The following WASF2 variants were observed in gnomAD, a reference collection of about 807,000 sequenced individuals.
The protein encoded by WASF2 is WASP family member 2, also known as actin-binding protein WASF2.
WASF2 carries 14 observed loss-of-function variants against 45.0 expected under a neutral mutation model. The ratio of observed to expected loss-of-function variants is 0.31; its 90% CI spans 0.21 to 0.49. The LOEUF (loss-of-function observed/expected upper bound fraction) is 0.49, where lower values mean the gene tolerates loss of function less well. WASF2 is among the 20% of genes least tolerant of loss of function. WASF2 has a pLI of 0.99. For missense variants in WASF2, 439 were observed against 636.1 expected (o/e 0.69, Z 3.33); for synonymous variants, 200 against 236.3 (o/e 0.85, Z 1.41).
chr1:27,455,675 C>A (rs976136189), intron 1 of WASF2, among the ~76,000 whole-genome samples: 1 of 152,204 alleles, frequency 6.6e-6, no homozygotes, highest in Non-Finnish European at 1.5e-5. Flanking sequence ...AAGACATTTG[C>A]CACTTCCTGG....
chr1:27,485,613 G>A (rs887466414), intron 1 of WASF2, among the ~76,000 whole-genome samples: 2 of 152,152 alleles, frequency 1.3e-5, no homozygotes, highest in Non-Finnish European at 2.9e-5. Flanking sequence ...AACAACAAAA[G>A]GTGTCTGTCT....
rs1352749494 is a variant in WASF2, at chr1:27,406,885, T to C, written c.*1304A>G. Reference sequence around the variant, plus strand: ...GAAGTTTCCACAGTTGGCAGAATCTTTGTTTAAATTGGGGAAATAAAAGGG... The same window carrying C: ...GAAGTTTCCACAGTTGGCAGAATCTCTGTTTAAATTGGGGAAATAAAAGGG... On this transcript the variant is annotated 3_prime_UTR_variant, in exon 9 of 9. Transcript: ENST00000618852. The C allele has an allele frequency of 6.6e-6, 1 of 152,160 alleles. No homozygotes were observed. Among genetic ancestry groups the C allele is most frequent in the Admixed American group, 6.5e-5 (1 of 15,284 alleles). The allele number at this position is 152,160 out of a possible 1,614,324, so 9.4% of individuals were successfully genotyped here.
intron 1 of WASF2, among the ~76,000 whole-genome samples, chr1:27,473,327 A>C (rs1006832511): frequency 1.5e-4 from 23 of 151,746 alleles, no homozygotes; most frequent in African/African-American, 5.6e-4. Flanking sequence ...AAAAATACAA[A>C]AAATTAGCCG....
intron 2 of WASF2, among the ~76,000 whole-genome samples, chr1:27,426,551 C>T (rs969128256): frequency 1.3e-5 from 2 of 150,714 alleles, no homozygotes; most frequent in African/African-American, 4.9e-5. Flanking sequence ...CGCTCTGTCG[C>T]CCATGCTGGA....
chr1:27,438,148 CCAGA>C (rs1489216283), intron 1 of WASF2, among the ~76,000 whole-genome samples: 2 of 152,182 alleles, frequency 1.3e-5, no homozygotes, highest in Non-Finnish European at 2.9e-5. Flanking sequence ...ATGTATTCTC[CCAGA>C]CAAACAGCCA....
At chr1:27,456,557 G>A (rs1009932375) in intron 1 of WASF2, among the ~76,000 whole-genome samples, 3 of 152,030 alleles carry the variant, frequency 2.0e-5, no homozygotes, top group Non-Finnish European at 4.4e-5. Context: ...GTGAAATTTA[G>A]AACTGATTTT....
intron 1 of WASF2, among the ~76,000 whole-genome samples, chr1:27,452,394 TC>T (rs1321107267): frequency 6.6e-6 from 1 of 151,870 alleles, no homozygotes; most frequent in East Asian, 1.9e-4. Context: ...GCACCTGTAG[TC>T]CCAACTACTT....
At chr1:27,477,089 T>C (rs2017775971) in intron 1 of WASF2, among the ~76,000 whole-genome samples, 1 of 152,180 alleles carries the variant, frequency 6.6e-6, no homozygotes, top group South Asian at 2.1e-4. Flanking sequence ...CATATTATCC[T>C]ATCCTTGTAC....
Position 27,414,854 on chromosome 1 carries a change from T to C in WASF2, c.647A>G (p.Lys216Arg), listed in dbSNP as rs774964191. The change falls in exon 6 of 9, where the codon AAA (lysine) becomes AGA (arginine). Residue 216 changes from lysine (K) to arginine (R), a missense_variant. Lys to Arg is a conservative substitution (Grantham distance 26). Around this residue, in one of 5 missense-constraint regions of WASF2, gnomAD observed 286 missense variants for 373.5 expected, o/e 0.77. Coordinates refer to ENST00000618852, the MANE Select transcript of WASF2 (RefSeq NM_006990.5). The surrounding 1 kb of genome is among the most constrained non-coding windows in gnomAD (Gnocchi z 4.1). ...MKMGQEFVESKEKLGTSGYPP... is the reference protein window; with the variant it reads ...MKMGQEFVESREKLGTSGYPP... The stretch of plus-strand genomic sequence containing the variant: ...CTACCCAGAAGTCCCCAGCTTTTCT[T>C]TGGACTCCACAAATTCTTGCCCCAT... The C allele has an allele frequency of 7.4e-6, 12 of 1,614,058 alleles. No homozygotes were observed. The Admixed American group carries it at 1.3e-4, about 18-fold the overall frequency.
At position 27,410,294 on chromosome 1, in the gene WASF2, A is replaced by G. The variant is rs1205567065; in HGVS notation, c.825-88T>C. On this transcript the variant is annotated intron_variant, in intron 7 of 8. Transcript: ENST00000618852. This position sits in a 1 kb window ranked among gnomAD's most constrained non-coding sequence, Gnocchi z 4.2. Reference sequence around the variant, plus strand: ...TAGCCTTGTCTACAGACCGAGGTTTATCTTGGTTGACTATACCATTTCACT... The same window carrying G: ...TAGCCTTGTCTACAGACCGAGGTTTGTCTTGGTTGACTATACCATTTCACT... 2.0e-5 allele frequency: 31 copies of G among 1,547,712 alleles called. No individual in the cohort carries two copies. Among genetic ancestry groups the G allele is most frequent in the Non-Finnish European group, 2.6e-5 (30 of 1,140,644 alleles).
Position 27,414,684 on chromosome 1 carries a change from G to T in WASF2, c.668+149C>A. On this transcript the variant is annotated intron_variant, in intron 6 of 8. Transcript: ENST00000618852. The surrounding 1 kb of genome is among the most constrained non-coding windows in gnomAD (Gnocchi z 4.1). ...AGCAAATTTTCATCACCAGATGGAT[G>T]CACTTTAAAGTAGCTGATTAACAGT... 9.9e-7 allele frequency: 1 copy of T among 1,011,810 alleles called. No homozygotes were observed. The highest frequency in any genetic ancestry group is 1.4e-6 in the Non-Finnish European group (1 of 703,330). The allele number at this position is 1,011,810 out of a possible 1,614,324, so 62.7% of individuals were successfully genotyped here.
chr1:27,488,265 G>T (rs1164211482), intron 1 of WASF2, among the ~76,000 whole-genome samples: 1 of 152,022 alleles, frequency 6.6e-6, no homozygotes, highest in South Asian at 2.1e-4. Flanking sequence ...AAAAATTAAG[G>T]GCAGCAAGTT....
intron 1 of WASF2, among the ~76,000 whole-genome samples, chr1:27,471,482 G>C (rs572897619): frequency 6.6e-6 from 1 of 152,032 alleles, no homozygotes; most frequent in South Asian, 2.1e-4. Flanking sequence ...AATAAAATTA[G>C]CTGGGCATGG....
chr1:27,460,466 A>G (rs1279427342), intron 1 of WASF2, among the ~76,000 whole-genome samples: 1 of 152,234 alleles, frequency 6.6e-6, no homozygotes, highest in African/African-American at 2.4e-5. Flanking sequence ...TAATGAAGCA[A>G]TTATCATGTC....
intron 1 of WASF2, among the ~76,000 whole-genome samples, chr1:27,470,607 G>A (rs1283981688): frequency 7.1e-6 from 1 of 141,636 alleles, no homozygotes; most frequent in Non-Finnish European, 1.5e-5. Context: ...CTGACTGACT[G>A]AATAAATAAA....
chr1:27,412,523 C>T, intron 7 of WASF2, 49 bp downstream of exon 7: 2 of 1,608,962 alleles, frequency 1.2e-6, no homozygotes, highest in Non-Finnish European at 1.7e-6. Context: ...TTCTTTTGTT[C>T]TCAAGTGTAT....
chr1:27,487,343 C>A (rs2017944670), intron 1 of WASF2, among the ~76,000 whole-genome samples: 1 of 141,714 alleles, frequency 7.1e-6, no homozygotes, highest in African/African-American at 2.6e-5. Flanking sequence ...TCGTGATCCA[C>A]CCGCCTCGGC....
intron 4 of WASF2, among the ~76,000 whole-genome samples, chr1:27,417,624 A>C (rs899542531): frequency 2.0e-5 from 3 of 152,208 alleles, no homozygotes; most frequent in Non-Finnish European, 4.4e-5. Context: ...GGATGACAAA[A>C]CTACCAAACC....
rs527795596 is a variant in WASF2, at chr1:27,458,654, G to T, written c.-43-29721C>A. Among the ~76,000 whole-genome samples the T allele has an allele frequency of 2.6e-5, 4 of 151,600 alleles. No individual in the cohort carries two copies. In the South Asian group the frequency reaches 8.4e-4, roughly 32 times the overall value. ...CTAAAAATACAAAAATTAGTTGGGC[G>T]TGGTGGTGCATGCCTGTAATCCCAG... On this transcript the variant is annotated intron_variant, in intron 1 of 8. Coordinates refer to ENST00000618852, the MANE Select transcript of WASF2 (RefSeq NM_006990.5).
Sources: allele counts gnomAD v4.1 joint callset (sites outside exome capture counted in the v4.1 genomes callset), GRCh38; gene constraint gnomAD v4.1.1; regional missense constraint gnomAD v4.1.1; non-coding constraint Gnocchi (gnomAD v3.1); transcripts MANE v1.5; gene names NCBI Gene and HGNC (gene_info 2026-07-23, HGNC 2026-07-21).